SLIT3: variants seen among roughly 807,000 people sequenced by gnomAD.
SLIT3 encodes slit homolog 3 protein.
Under a neutral mutation model 184.0 loss-of-function variants are expected in SLIT3, and 68 were observed. That is an observed-to-expected ratio of 0.37 (90% confidence interval 0.30 to 0.45). The LOEUF (loss-of-function observed/expected upper bound fraction) is 0.45, where lower values mean the gene tolerates loss of function less well. Among genes scored for constraint, SLIT3 ranks in the 20% least tolerant of loss-of-function variants. The pLI is 1.00. For synonymous variants in SLIT3, 831 were observed against 828.6 expected, an observed-to-expected ratio of 1.00 and a Z score of -0.05; for missense variants, 1,707 against 2,026.0, an observed-to-expected ratio of 0.84 and a Z score of 3.02.
At chr5:169,156,435 T>C (rs142864525) in intron 4 of SLIT3, among the ~76,000 whole-genome samples, 21 of 152,334 alleles carry the variant, frequency 1.4e-4, no homozygotes, top group Admixed American at 3.3e-4. Flanking sequence ...AAGTGAACTC[T>C]CAGCCTGTCA....
intron 14 of SLIT3, among the ~76,000 whole-genome samples, chr5:168,766,318 G>A (rs1755343914): frequency 1.3e-5 from 2 of 152,238 alleles, no homozygotes; most frequent in Admixed American, 1.3e-4. Flanking sequence ...GAATTGGGGG[G>A]AGCGTAAGTC....
chr5:168,865,496 C>T lies in SLIT3; in HGVS notation c.485+17769G>A, dbSNP rs145049843. On this transcript the variant is annotated intron_variant, in intron 5 of 35. Transcript: ENST00000519560. Reference sequence around the variant, plus strand: ...GATGTTAGCTACATAAGGTAACATACTGTGTGATTCCATTTATATGAAATA... The same window carrying T: ...GATGTTAGCTACATAAGGTAACATATTGTGTGATTCCATTTATATGAAATA... Among the ~76,000 whole-genome samples the T allele has an allele frequency of 1.9e-4, 29 of 152,316 alleles. 2 individuals are homozygous for T. Among genetic ancestry groups the T allele is most frequent in the African/African-American group, 7.0e-4 (29 of 41,570 alleles).
At chr5:168,918,300 CAT>C (rs1761511208) in intron 4 of SLIT3, among the ~76,000 whole-genome samples, 1 of 152,192 alleles carries the variant, frequency 6.6e-6, no homozygotes, top group Admixed American at 6.5e-5. Flanking sequence ...TGGAGAGACT[CAT>C]AGCAGGAGAA....
At chr5:168,838,375 C>G (rs1296620791) in intron 6 of SLIT3, among the ~76,000 whole-genome samples, 1 of 152,120 alleles carries the variant, frequency 6.6e-6, no homozygotes, top group African/African-American at 2.4e-5. Context: ...ATTCTACTGA[C>G]TTATCACAGT....
chr5:169,131,541 A>G (rs545773739), intron 4 of SLIT3, among the ~76,000 whole-genome samples: 2 of 152,328 alleles, frequency 1.3e-5, no homozygotes, highest in African/African-American at 4.8e-5. Flanking sequence ...TAGTTTCTTT[A>G]TCTTTTAAAA....
intron 3 of SLIT3, among the ~76,000 whole-genome samples, chr5:169,213,307 T>C (rs571325433): frequency 1.3e-5 from 2 of 151,860 alleles, no homozygotes; most frequent in African/African-American, 4.8e-5. Context: ...CTCAAGAAAA[T>C]AAGAGGACAC....
chr5:169,244,656 C>T (rs1765523845), intron 3 of SLIT3, 49 bp downstream of exon 3: 1 of 1,532,808 alleles, frequency 6.5e-7, no homozygotes, highest in South Asian at 1.1e-5. Flanking sequence ...AAACAAAAAA[C>T]ACTAAATGTA....
chr5:168,993,455 A>G (rs762217652), intron 4 of SLIT3, among the ~76,000 whole-genome samples: 4 of 152,208 alleles, frequency 2.6e-5, no homozygotes, highest in Non-Finnish European at 5.9e-5. Context: ...CCCACTACAC[A>G]GATGTGGACA....
chr5:168,799,550 A>G (rs751337489), intron 9 of SLIT3, among the ~76,000 whole-genome samples: 4 of 152,360 alleles, frequency 2.6e-5, no homozygotes, highest in Admixed American at 6.5e-5. Flanking sequence ...TGTCATTTGC[A>G]AACATGTGAC....
In SLIT3 at chr5:169,146,143, A is replaced by C. The variant is rs559085076; in HGVS notation, c.413+47336T>G. 4.6e-5 allele frequency among the ~76,000 whole-genome samples: 7 copies of C among 152,378 alleles called. No homozygotes were observed. In the East Asian group the frequency reaches 1.3e-3, roughly 29 times the overall value. ...ACCTCATGAGGAATGTATTACGAAT[A>C]TCTCTCCATTTTACAGTACTGAGAA... On this transcript the variant is annotated intron_variant, in intron 4 of 35. Coordinates refer to ENST00000519560, the MANE Select transcript of SLIT3 (RefSeq NM_003062.4).
At chr5:169,194,233 CAAAAAAAAAAAAAAA>C (rs10571842) in intron 3 of SLIT3, among the ~76,000 whole-genome samples, 2 of 61,382 alleles carry the variant, frequency 3.3e-5, no homozygotes, top group East Asian at 5.6e-4. Flanking sequence ...GACTCTGTCT[CAAAAAAAAAAAAAAA>C]AAAAAAAAAA....
intron 4 of SLIT3, among the ~76,000 whole-genome samples, chr5:169,021,217 G>C (rs956111372): frequency 6.6e-6 from 1 of 152,220 alleles, no homozygotes; most frequent in Non-Finnish European, 1.5e-5. Flanking sequence ...TTCCAAAGCA[G>C]CTTCCAAGAA....
At chr5:169,266,071 G>C (rs546161015) in intron 1 of SLIT3, among the ~76,000 whole-genome samples, 1 of 152,166 alleles carries the variant, frequency 6.6e-6, no homozygotes, top group South Asian at 2.1e-4. Context: ...TCCAGGTGGC[G>C]ACTATCAGTC....
chr5:169,203,694 A>C (rs1179012443), intron 3 of SLIT3, among the ~76,000 whole-genome samples: 1 of 152,192 alleles, frequency 6.6e-6, no homozygotes, highest in Non-Finnish European at 1.5e-5. Context: ...CAGAGGTGTT[A>C]AGAAGTAGTC....
At chr5:169,142,191 G>C (rs1211607880) in intron 4 of SLIT3, among the ~76,000 whole-genome samples, 1 of 152,102 alleles carries the variant, frequency 6.6e-6, no homozygotes, top group Non-Finnish European at 1.5e-5. Context: ...GTGAATAGAA[G>C]CTAAAACTTA....
At position 168,967,472 on chromosome 5, in the gene SLIT3, C is replaced by T. The variant is rs1169998103; in HGVS notation, c.414-84136G>A. ...TTTTTTTTTTTGAGACGGAGTCTCG[C>T]TCTGTCGCCCAGGCTGGAGTGCAGT... is the stretch of plus-strand genomic sequence containing the variant. On this transcript the variant is annotated intron_variant, in intron 4 of 35. Coordinates refer to ENST00000519560, the MANE Select transcript of SLIT3 (RefSeq NM_003062.4). 1.1e-3 allele frequency among the ~76,000 whole-genome samples: 7 copies of T among 6,242 alleles called. No homozygotes were observed. The Admixed American group carries it at 0.011, about 10-fold the overall frequency. 4.1% of individuals were successfully genotyped at this position (6,242 alleles called of 152,430 possible).
At chr5:168,969,694 C>G (rs1205191986) in intron 4 of SLIT3, among the ~76,000 whole-genome samples, 1 of 152,168 alleles carries the variant, frequency 6.6e-6, no homozygotes, top group Non-Finnish European at 1.5e-5. Context: ...GAACGAGACA[C>G]CTTGAATTTG....
chr5:169,178,649 CT>C (rs1181373221), intron 4 of SLIT3, among the ~76,000 whole-genome samples: 4 of 152,164 alleles, frequency 2.6e-5, no homozygotes, highest in African/African-American at 7.2e-5. Context: ...TTTAGCACCC[CT>C]ATTCCCTGTT....
chr5:169,221,321 C>T (rs989516150), intron 3 of SLIT3, among the ~76,000 whole-genome samples: 8 of 152,172 alleles, frequency 5.3e-5, no homozygotes, highest in Middle Eastern at 3.2e-3. Flanking sequence ...TCTCTGGCTC[C>T]GGCTCTTTTG....
Sources: gnomAD v4.1 joint callset for allele counts (sites outside exome capture counted in the v4.1 genomes callset) on GRCh38, gnomAD v4.1.1 for gene constraint, MANE v1.5 for transcripts, NCBI Gene and HGNC (gene_info 2026-07-23, HGNC 2026-07-21) for gene names.